Variants in LRRC66 observed in about 807,000 individuals in gnomAD.
LRRC66 encodes leucine-rich repeat-containing protein 66.
Under a neutral mutation model 24.6 loss-of-function variants are expected in LRRC66, and 29 were observed. That is an observed-to-expected ratio of 1.18 (90% CI 0.88 to 1.61). The LOEUF (loss-of-function observed/expected upper bound fraction) is 1.61, where lower values mean the gene tolerates loss of function less well. LRRC66 is among the 40% of genes most tolerant of loss of function. The pLI, the probability that LRRC66 is intolerant of heterozygous loss-of-function variation, is 0.00. For synonymous variants in LRRC66, 411 were observed against 397.6 expected, an observed-to-expected ratio of 1.03 and a Z score of -0.40; for missense variants, 1,124 against 1,058.0, an observed-to-expected ratio of 1.06 and a Z score of -0.87.
At chr4:51,997,386 A>C (rs1736344682) in intron 4 of LRRC66, among the ~76,000 whole-genome samples, 1 of 152,194 alleles carries the variant, frequency 6.6e-6, no homozygotes, top group African/African-American at 2.4e-5. Context: ...TGTGACGTTA[A>C]ATTTTATTCA....
chr4:52,012,184 T>C (rs149593609), intron 2 of LRRC66, among the ~76,000 whole-genome samples: 13 of 151,544 alleles, frequency 8.6e-5, no homozygotes, highest in African/African-American at 2.9e-4. Context: ...TGAGGCTCCA[T>C]CTAAAAACAG....
At chr4:52,010,239 A>G (rs914489180) in intron 2 of LRRC66, among the ~76,000 whole-genome samples, 2 of 152,358 alleles carry the variant, frequency 1.3e-5, no homozygotes, top group Non-Finnish European at 2.9e-5. Context: ...AAATGAATCC[A>G]CATGATGGAA....
chr4:52,017,739 T>G, intron 1 of LRRC66, 121 bp from the exon 2 acceptor site: 1 of 1,375,030 alleles, frequency 7.3e-7, no homozygotes, highest in Non-Finnish European at 9.3e-7. Context: ...GTTGCCAATT[T>G]AAGCGAATGT....
At chr4:52,013,672 T>C (rs1414671029) in intron 2 of LRRC66, among the ~76,000 whole-genome samples, 3 of 152,238 alleles carry the variant, frequency 2.0e-5, no homozygotes, top group African/African-American at 7.2e-5. Flanking sequence ...TGAAGCTTAT[T>C]GGTGACACCA....
chr4:52,003,400 A>G lies in LRRC66; in HGVS notation c.497-8T>C. 6.2e-7 allele frequency: 1 copy of G among 1,604,942 alleles called. No homozygotes were observed. The highest frequency in any genetic ancestry group is 8.5e-7 in the Non-Finnish European group (1 of 1,176,418). On this transcript the variant is annotated splice_region_variant and splice_polypyrimidine_tract_variant and intron_variant, in intron 2 of 4. Coordinates refer to ENST00000682860, the MANE Select transcript of LRRC66 (RefSeq NM_001024611.3). ...ACTTCAGTTTCCACAGTCCTGTTAAAATGAAAAAGTAAGTTGAAATCTAAA... is the reference window on the plus strand; with the variant it reads ...ACTTCAGTTTCCACAGTCCTGTTAAGATGAAAAAGTAAGTTGAAATCTAAA...
intron 2 of LRRC66, among the ~76,000 whole-genome samples, chr4:52,015,882 T>C (rs1272412783): frequency 6.6e-6 from 1 of 152,142 alleles, no homozygotes; most frequent in East Asian, 1.9e-4. Flanking sequence ...ATTAGAAATA[T>C]GGACAGTATG....
intron 2 of LRRC66, among the ~76,000 whole-genome samples, chr4:52,015,400 G>C (rs894319423): frequency 6.6e-6 from 1 of 152,166 alleles, no homozygotes; most frequent in African/African-American, 2.4e-5. Context: ...TGGGTAGCAG[G>C]GGTAAGGAAT....
At chr4:52,010,644 G>C (rs1349569498) in intron 2 of LRRC66, among the ~76,000 whole-genome samples, 1 of 152,138 alleles carries the variant, frequency 6.6e-6, no homozygotes, top group Non-Finnish European at 1.5e-5. Context: ...TTTCATTCTT[G>C]TTTAGAGCTG....
chr4:51,996,260 T>G, intron 4 of LRRC66, 95 bp from the exon 5 acceptor site: 1 of 1,272,932 alleles, frequency 7.9e-7, no homozygotes, highest in Middle Eastern at 2.4e-4. Flanking sequence ...AAAATTCAAT[T>G]TTTTTGAATT....
intron 4 of LRRC66, among the ~76,000 whole-genome samples, chr4:51,996,494 C>A (rs918355723): frequency 1.3e-5 from 2 of 151,966 alleles, no homozygotes; most frequent in Admixed American, 6.6e-5. Flanking sequence ...TGGCATCAAG[C>A]GATTCTCCTC....
At chr4:52,016,467 T>C (rs1736814463) in intron 2 of LRRC66, among the ~76,000 whole-genome samples, 1 of 152,126 alleles carries the variant, frequency 6.6e-6, no homozygotes, top group Non-Finnish European at 1.5e-5. Context: ...TTTATGAACT[T>C]GATATATTTT....
intron 2 of LRRC66, among the ~76,000 whole-genome samples, chr4:52,010,626 C>T (rs1340922511): frequency 6.6e-6 from 1 of 152,062 alleles, no homozygotes; most frequent in Non-Finnish European, 1.5e-5. Context: ...TTGCTGCAAA[C>T]GACATGATTT....
intron 2 of LRRC66, among the ~76,000 whole-genome samples, chr4:52,009,354 A>C (rs1185322988): frequency 6.6e-6 from 1 of 152,148 alleles, no homozygotes; most frequent in African/African-American, 2.4e-5. Flanking sequence ...GCAAGAATGA[A>C]TGAAATTGTA....
intron 3 of LRRC66, among the ~76,000 whole-genome samples, chr4:52,000,695 G>A (rs1168851350): frequency 6.6e-6 from 1 of 152,218 alleles, no homozygotes; most frequent in Non-Finnish European, 1.5e-5. Flanking sequence ...CCAATAACCA[G>A]CAAGAAACTG....
In LRRC66 at chr4:52,017,115, C is replaced by A; in HGVS notation, c.496+3G>T. Reference sequence around the variant, plus strand: ...TTCTCTGCCTAGTTAAAATTGTACTCACCCTTGGGAGTGTCACTGAGTTTA... The same window carrying A: ...TTCTCTGCCTAGTTAAAATTGTACTAACCCTTGGGAGTGTCACTGAGTTTA... On this transcript the variant is annotated splice_donor_region_variant and intron_variant, in intron 2 of 4. Transcript: ENST00000682860. 6.3e-7 allele frequency: 1 copy of A among 1,599,198 alleles called. No homozygotes were observed. Among genetic ancestry groups the A allele is most frequent in the Non-Finnish European group, 8.5e-7 (1 of 1,173,598 alleles).
intron 2 of LRRC66, among the ~76,000 whole-genome samples, chr4:52,011,618 T>C (rs189118816): frequency 3.8e-4 from 58 of 152,230 alleles, no homozygotes; most frequent in Admixed American, 3.4e-3. Flanking sequence ...GCAGGAAATA[T>C]AGAATTAAAG....
Position 51,997,820 on chromosome 4 carries a change from C to T in LRRC66, c.784G>A (p.Val262Met), listed in dbSNP as rs1035186156. 16 of 1,613,958 alleles carry T rather than the reference C, an allele frequency of 9.9e-6. No individual in the cohort carries two copies. The Admixed American group carries it at 1.8e-4, about 18-fold the overall frequency. The change falls in exon 4 of 5, where the codon GTG becomes ATG. Residue 262 changes from valine to methionine, a missense_variant. By Grantham distance (21) the Val-to-Met change is conservative. Transcript: ENST00000682860. ...ADNNWQCDDSVAVFQNFISES... is the reference protein window; with the variant it reads ...ADNNWQCDDSMAVFQNFISES... ...GAAATAAAATTTTGAAAGACTGCCACACTATCATCACACTGCCAGTTATTA... is the reference window on the plus strand; with the variant it reads ...GAAATAAAATTTTGAAAGACTGCCATACTATCATCACACTGCCAGTTATTA...
intron 2 of LRRC66, among the ~76,000 whole-genome samples, chr4:52,015,331 A>T: frequency 6.7e-6 from 1 of 149,344 alleles, no homozygotes; most frequent in East Asian, 2.0e-4. Flanking sequence ...GGTTTTGAAG[A>T]AAAAAAAAAG....
At chr4:51,998,414 A>G (rs2110192897) in intron 3 of LRRC66, among the ~76,000 whole-genome samples, 1 of 152,262 alleles carries the variant, frequency 6.6e-6, no homozygotes, top group South Asian at 2.1e-4. Context: ...AATCTTATTT[A>G]TTTATTTATT....
Sources: gnomAD v4.1 joint callset for allele counts (sites outside exome capture counted in the v4.1 genomes callset) on GRCh38, gnomAD v4.1.1 for gene constraint, MANE v1.5 for transcripts, NCBI Gene and HGNC (gene_info 2026-07-23, HGNC 2026-07-21) for gene names.